The following RNF2 variants were observed in gnomAD, a reference collection of about 807,000 sequenced individuals.
The protein encoded by RNF2 is ring finger protein 2.
A neutral mutation model predicts 37.2 loss-of-function variants in RNF2; 6 were observed. The ratio of observed to expected loss-of-function variants is 0.16; its 90% confidence interval spans 0.09 to 0.32. The LOEUF (loss-of-function observed/expected upper bound fraction) is 0.32, where lower values mean the gene tolerates loss of function less well. Among genes scored for constraint, RNF2 ranks in the 10% least tolerant of loss-of-function variants. The pLI, the probability that RNF2 is intolerant of heterozygous loss-of-function variation, is 1.00. For missense variants in RNF2, 251 were observed against 404.0 expected, an observed-to-expected ratio of 0.62 and a Z score of 3.25; for synonymous variants, 133 against 132.7, an observed-to-expected ratio of 1.00 and a Z score of -0.02.
chr1:185,061,073 AC>A (rs1650582666), intron 1 of RNF2, among the ~76,000 whole-genome samples: 1 of 151,088 alleles, frequency 6.6e-6, no homozygotes, highest in Non-Finnish European at 1.5e-5. Flanking sequence ...GCCATGAGTC[AC>A]TGAGCCACTG....
chr1:185,070,938 G>T (rs914213648), intron 1 of RNF2, among the ~76,000 whole-genome samples: 3 of 152,224 alleles, frequency 2.0e-5, no homozygotes, highest in Admixed American at 1.3e-4. Context: ...CACCCGGCCA[G>T]ACTGCAGTAT....
intron 1 of RNF2, among the ~76,000 whole-genome samples, chr1:185,083,813 C>G (rs1383479651): frequency 6.6e-6 from 1 of 151,322 alleles, no homozygotes; most frequent in Non-Finnish European, 1.5e-5. Flanking sequence ...TGCTGTGTTG[C>G]CCAGGCTGGT....
At chr1:185,046,788 A>G (rs941961826) in intron 1 of RNF2, among the ~76,000 whole-genome samples, 1 of 152,224 alleles carries the variant, frequency 6.6e-6, no homozygotes, top group Non-Finnish European at 1.5e-5. Flanking sequence ...AGCGATTTGC[A>G]TTACATAATC....
intron 4 of RNF2, among the ~76,000 whole-genome samples, chr1:185,096,682 T>TCTA (rs1651921767): frequency 6.6e-6 from 1 of 152,200 alleles, no homozygotes; most frequent in Non-Finnish European, 1.5e-5. Flanking sequence ...CCTCAGCATG[T>TCTA]CTATTCATGT....
chr1:185,055,484 TATCTC>T (rs1366572848), intron 1 of RNF2, among the ~76,000 whole-genome samples: 4 of 152,102 alleles, frequency 2.6e-5, no homozygotes, highest in Admixed American at 2.0e-4. Context: ...GCAGTGGTGC[TATCTC>T]AGCTCACTGC....
chr1:185,054,581 C>G (rs1444623191), intron 1 of RNF2, among the ~76,000 whole-genome samples: 1 of 152,200 alleles, frequency 6.6e-6, no homozygotes, highest in Middle Eastern at 3.2e-3. Context: ...TGGCGGCCGC[C>G]AGGACCCCGA....
intron 1 of RNF2, among the ~76,000 whole-genome samples, chr1:185,083,796 G>A (rs1386302442): frequency 6.6e-6 from 1 of 151,354 alleles, no homozygotes; most frequent in East Asian, 1.9e-4. Context: ...TTGTAGAGAG[G>A]GGATTTTGCT....
chr1:185,088,607 G>A (rs1001812079), intron 2 of RNF2, among the ~76,000 whole-genome samples: 1 of 151,958 alleles, frequency 6.6e-6, no homozygotes, highest in African/African-American at 2.4e-5. Flanking sequence ...TAGTTAAAGT[G>A]TTTAACACTA....
At chr1:185,091,538 A>G (rs777280395) in intron 2 of RNF2, 41 bp from the exon 3 acceptor site, 1 of 1,597,928 alleles carries the variant, frequency 6.3e-7, no homozygotes, top group Non-Finnish European at 8.5e-7. Context: ...TCCATAATAA[A>G]AAATTAAGTA....
intron 1 of RNF2, among the ~76,000 whole-genome samples, chr1:185,048,642 A>G (rs1650182350): frequency 6.6e-6 from 1 of 152,216 alleles, no homozygotes. Flanking sequence ...ATTTGTTTTC[A>G]AAAGATATGT....
At chr1:185,050,930 A>C (rs947607875) in intron 1 of RNF2, among the ~76,000 whole-genome samples, 2 of 152,222 alleles carry the variant, frequency 1.3e-5, no homozygotes, top group Admixed American at 1.3e-4. Context: ...TCCTCATTTC[A>C]GTTCCCAAAA....
intron 1 of RNF2, among the ~76,000 whole-genome samples, chr1:185,052,321 T>C (rs966285667): frequency 1.3e-5 from 2 of 152,148 alleles, no homozygotes; most frequent in Non-Finnish European, 2.9e-5. Flanking sequence ...ACAGCCCAAA[T>C]GTCTGTCAAC....
intron 1 of RNF2, among the ~76,000 whole-genome samples, chr1:185,076,712 C>G (rs924260832): frequency 6.6e-6 from 1 of 151,258 alleles, no homozygotes; most frequent in Non-Finnish European, 1.5e-5. Context: ...TTTAAAATAC[C>G]CTAAATTCAC....
chr1:185,090,065 G>A (rs139530656), intron 2 of RNF2, among the ~76,000 whole-genome samples: 9 of 151,994 alleles, frequency 5.9e-5, no homozygotes, highest in Admixed American at 5.2e-4. Flanking sequence ...GGGATTACAG[G>A]CGTGTGCCAC....
chr1:185,090,974 G>C (rs745666459), intron 2 of RNF2, among the ~76,000 whole-genome samples: 2 of 152,208 alleles, frequency 1.3e-5, no homozygotes, highest in Non-Finnish European at 2.9e-5. Flanking sequence ...CTGGGTTAGC[G>C]TGAGAAGCTG....
chr1:185,072,040 A>T (rs542443229), intron 1 of RNF2: 1 of 152,632 alleles, frequency 6.6e-6, no homozygotes, highest in East Asian at 1.9e-4. Context: ...GTTGATGGTC[A>T]TGGTGGTAGG....
chr1:185,054,023 C>T (rs1650353112), intron 1 of RNF2, among the ~76,000 whole-genome samples: 1 of 152,048 alleles, frequency 6.6e-6, no homozygotes, highest in Non-Finnish European at 1.5e-5. Flanking sequence ...TTCTCTAGCA[C>T]GCAAACAATA....
chr1:185,083,792 A>G (rs1651499236), intron 1 of RNF2, among the ~76,000 whole-genome samples: 1 of 150,962 alleles, frequency 6.6e-6, no homozygotes, highest in Non-Finnish European at 1.5e-5. Flanking sequence ...TTTTTTGTAG[A>G]GAGGGGATTT....
At chr1:185,063,323 A>G (rs1431559440) in intron 1 of RNF2, among the ~76,000 whole-genome samples, 1 of 152,222 alleles carries the variant, frequency 6.6e-6, no homozygotes, top group Non-Finnish European at 1.5e-5. Context: ...AAAGATACTG[A>G]TTCAGTGAGT....
Sources: allele counts gnomAD v4.1 joint callset (sites outside exome capture counted in the v4.1 genomes callset), GRCh38; gene constraint gnomAD v4.1.1; transcripts MANE v1.5; gene names NCBI Gene and HGNC (gene_info 2026-07-23, HGNC 2026-07-21).